MEGF6: variants seen among roughly 807,000 people sequenced by gnomAD.
MEGF6 encodes multiple epidermal growth factor-like domains protein 6.
MEGF6 carries 184 observed loss-of-function variants against 207.1 expected under a neutral mutation model. That is an observed-to-expected ratio of 0.89 (90% CI 0.79 to 1.00). The LOEUF (loss-of-function observed/expected upper bound fraction) is 1.00. Ranked by LOEUF, MEGF6 falls within the 50% of genes least tolerant of loss-of-function variation. MEGF6 has a pLI of 0.00. For synonymous variants in MEGF6, 1,038 were observed against 910.0 expected, an observed-to-expected ratio of 1.14 and a Z score of -2.53; for missense variants, 2,282 against 2,202.9, an observed-to-expected ratio of 1.04 and a Z score of -0.72.
At chr1:3,515,284 C>T in intron 6 of MEGF6, 118 bp downstream of exon 6, 1 of 1,257,270 alleles carries the variant, frequency 8.0e-7, no homozygotes, top group South Asian at 1.4e-5. Flanking sequence ...CCATCCCTAC[C>T]AGGCCTCTCA....
chr1:3,531,507 C>T, intron 4 of MEGF6: 3 of 1,051,254 alleles, frequency 2.9e-6, no homozygotes, highest in Non-Finnish European at 3.4e-6. Context: ...GGGAGCCGCC[C>T]CCGGCCCCGC....
intron 1 of MEGF6, among the ~76,000 whole-genome samples, chr1:3,610,134 G>C (rs990996780): frequency 2.0e-5 from 3 of 152,278 alleles, no homozygotes; most frequent in Admixed American, 1.3e-4. Flanking sequence ...CCAACCCAGG[G>C]ACAGCATGGC....
intron 4 of MEGF6, among the ~76,000 whole-genome samples, chr1:3,548,230 A>C (rs897210358): frequency 1.2e-4 from 18 of 152,318 alleles, no homozygotes; most frequent in Admixed American, 5.2e-4. Flanking sequence ...GACAGACGGA[A>C]CACAGCGCGG....
chr1:3,495,989 A>C lies in MEGF6; in HGVS notation c.3772T>G (p.Cys1258Gly). ...TGCCCACACCCACACACGTGGGTGCAGTTGGGGCCGAAGCGGCCCTGCGGA... is the reference window on the plus strand; with the variant it reads ...TGCCCACACCCACACACGTGGGTGCCGTTGGGGCCGAAGCGGCCCTGCGGA... Reference protein sequence around the residue: ...TCPQGRFGPNCTHVCGCGQGA... With the variant: ...TCPQGRFGPNGTHVCGCGQGA... Residue 1258 changes from cysteine to glycine, a missense_variant, in exon 30 of 37, where the codon TGC (cysteine) becomes GGC (glycine). Coordinates refer to ENST00000356575, the MANE Select transcript of MEGF6 (RefSeq NM_001409.4). 6.4e-7 allele frequency: 1 copy of C among 1,553,642 alleles called. No homozygotes were observed. The highest frequency in any genetic ancestry group is 8.6e-7 in the Non-Finnish European group (1 of 1,157,112).
At chr1:3,549,223 C>G (rs1266316847) in intron 4 of MEGF6, among the ~76,000 whole-genome samples, 1 of 152,158 alleles carries the variant, frequency 6.6e-6, no homozygotes, top group African/African-American at 2.4e-5. Context: ...GCAGGAGACC[C>G]TTGGTGAATG....
At chr1:3,526,042 G>C (rs1014320878) in intron 4 of MEGF6, among the ~76,000 whole-genome samples, 2 of 152,178 alleles carry the variant, frequency 1.3e-5, no homozygotes, top group African/African-American at 4.8e-5. Context: ...CGGCACACAG[G>C]GGCTCTCAGA....
chr1:3,581,042 C>G (rs1570185039), intron 3 of MEGF6, among the ~76,000 whole-genome samples: 1 of 152,136 alleles, frequency 6.6e-6, no homozygotes, highest in Non-Finnish European at 1.5e-5. Context: ...CTAAGCAGCC[C>G]CAGACCAGGG....
rs576000391 is a variant in MEGF6, at chr1:3,560,604, C to T, written c.481+19221G>A. ...AGGCCCCCCTGTTCTCCAAGAGAAA[C>T]GCTCCATAGGCAGGGAAAGGCTCTG... On this transcript the variant is annotated intron_variant, in intron 4 of 36. Coordinates refer to ENST00000356575, the MANE Select transcript of MEGF6 (RefSeq NM_001409.4). This position sits in a 1 kb window ranked among gnomAD's most constrained non-coding sequence, Gnocchi z 4.0. 3.7e-5 allele frequency: 14 copies of T among 383,294 alleles called. No homozygotes were observed. The highest frequency in any genetic ancestry group is 5.4e-5 in the Non-Finnish European group (10 of 183,754). The allele number at this position is 383,294 out of a possible 1,614,324, so 23.7% of individuals were successfully genotyped here.
At position 3,494,445 on chromosome 1, in the gene MEGF6, T is replaced by A; in HGVS notation, c.4055A>T (p.Asn1352Ile). 1 of 1,571,612 alleles carries A rather than the reference T, an allele frequency of 6.4e-7. No individual in the cohort carries two copies. The highest frequency in any genetic ancestry group is 8.6e-7 in the Non-Finnish European group (1 of 1,163,392). The change falls in exon 32 of 37, where the codon AAC (asparagine) becomes ATC (isoleucine). Residue 1352 changes from asparagine (N) to isoleucine (I), a missense_variant. Transcript: ENST00000356575. Reference protein sequence around the residue: ...AACHLECSCHNNSTCEPATGT... With the variant: ...AACHLECSCHINSTCEPATGT... ...CGTGGCAGGCTCACACGTGCTGTTG[T>A]TGTGGCAGGAGCACTCCAGATGGCA...
chr1:3,570,565 CCCAGGTG>C (rs1453191779), intron 4 of MEGF6, among the ~76,000 whole-genome samples: 1 of 152,234 alleles, frequency 6.6e-6, no homozygotes, highest in Non-Finnish European at 1.5e-5. Context: ...CATCTTCCGG[CCCAGGTG>C]CCAGGTGCTC....
intron 1 of MEGF6, among the ~76,000 whole-genome samples, chr1:3,603,931 C>G (rs1056342594): frequency 1.1e-4 from 16 of 152,228 alleles, no homozygotes; most frequent in Admixed American, 9.8e-4. Context: ...TGTGTCCCCT[C>G]TGACTTCAGC....
At chr1:3,603,770 C>T (rs546519578) in intron 1 of MEGF6, among the ~76,000 whole-genome samples, 5 of 152,278 alleles carry the variant, frequency 3.3e-5, no homozygotes, top group Admixed American at 2.0e-4. Context: ...AACCAGCCGC[C>T]GCCCCGTGGG....
rs184456452 is a variant in MEGF6, at chr1:3,575,618, G to A, written c.481+4207C>T. ...CCTCACAATCATGGCAGAAGGCAAGGAGGAGCAAGTCACATCTTACATGGA... is the reference window on the plus strand; with the variant it reads ...CCTCACAATCATGGCAGAAGGCAAGAAGGAGCAAGTCACATCTTACATGGA... On this transcript the variant is annotated intron_variant, in intron 4 of 36. Transcript: ENST00000356575. Among the ~76,000 whole-genome samples, 16 of 100,864 alleles carry A rather than the reference G, an allele frequency of 1.6e-4. No individual in the cohort carries two copies. In the East Asian group the frequency reaches 1.8e-3, roughly 11 times the overall value. 66.2% of individuals were successfully genotyped at this position (100,864 alleles called of 152,430 possible). A position where few individuals can be genotyped will look rare whatever the true frequency, so the allele number is the denominator to read the frequency against.
chr1:3,536,907 G>A (rs1246208228), intron 4 of MEGF6, among the ~76,000 whole-genome samples: 1 of 152,260 alleles, frequency 6.6e-6, no homozygotes, highest in African/African-American at 2.4e-5. Flanking sequence ...TGCTGTGTGT[G>A]TCTGTCCCTC....
At chr1:3,612,065 G>A (rs1458436578), upstream of MEGF6, among the ~76,000 whole-genome samples, 1 of 152,214 alleles carries the variant, frequency 6.6e-6, no homozygotes, top group Non-Finnish European at 1.5e-5. Flanking sequence ...ACTTCCCGCA[G>A]GGCAGGGGTC....
intron 4 of MEGF6, among the ~76,000 whole-genome samples, chr1:3,527,416 C>T (rs1642003803): frequency 6.6e-6 from 1 of 152,204 alleles, no homozygotes. Context: ...CTGGGACCTC[C>T]AGGGCCATCT....
the MEGF6 span, among the ~76,000 whole-genome samples, chr1:3,620,925 T>C: frequency 1.3e-5 from 2 of 152,188 alleles, no homozygotes; most frequent in African/African-American, 4.8e-5. Flanking sequence ...AGGGGGCCCT[T>C]CCCCGTTTGG....
Position 3,594,344 on chromosome 1 carries a change from G to A in MEGF6, c.376+994C>T, listed in dbSNP as rs963690870. 1.3e-5 allele frequency among the ~76,000 whole-genome samples: 2 copies of A among 152,224 alleles called. No individual in the cohort carries two copies. Among genetic ancestry groups the A allele is most frequent in the Non-Finnish European group, 2.9e-5 (2 of 68,040 alleles). On this transcript the variant is annotated intron_variant, in intron 3 of 36. Coordinates refer to ENST00000356575, the MANE Select transcript of MEGF6 (RefSeq NM_001409.4). The surrounding 1 kb of genome is among the most constrained non-coding windows in gnomAD (Gnocchi z 4.2). Reference sequence around the variant, plus strand: ...CTCGGGAGGCTGAGGTGGGAGGATTGCTTGAGTCCAGGAATTTGAGGCTGC... The same window carrying A: ...CTCGGGAGGCTGAGGTGGGAGGATTACTTGAGTCCAGGAATTTGAGGCTGC...
Position 3,579,804 on chromosome 1 carries a change from TC to T in MEGF6, c.481+20del. On this transcript the variant is annotated intron_variant, in intron 4 of 36. Transcript: ENST00000356575. ...AGGCTGGCCATGGCCAGGGCCTTGG[TC>T]CCCCAGGGGCTCCACTCACCATACT... is the stretch of plus-strand genomic sequence containing the variant. 1 of 1,445,658 alleles carries T rather than the reference TC, an allele frequency of 6.9e-7. No homozygotes were observed. Among genetic ancestry groups the T allele is most frequent in the Non-Finnish European group, 9.1e-7 (1 of 1,100,184 alleles). 89.6% of individuals were successfully genotyped at this position (1,445,658 alleles called of 1,614,324 possible). A position where few individuals can be genotyped will look rare whatever the true frequency, so the allele number is the denominator to read the frequency against.
Sources: gnomAD v4.1 joint callset for allele counts (sites outside exome capture counted in the v4.1 genomes callset) on GRCh38, gnomAD v4.1.1 for gene constraint, Gnocchi (gnomAD v3.1) non-coding constraint, MANE v1.5 for transcripts, NCBI Gene and HGNC (gene_info 2026-07-23, HGNC 2026-07-21) for gene names.